UQCRC2: variants seen among roughly 807,000 people sequenced by gnomAD.
UQCRC2 encodes ubiquinol-cytochrome c reductase core protein 2.
UQCRC2 carries 49 observed loss-of-function variants against 55.6 expected under a neutral mutation model. The ratio of observed to expected loss-of-function variants is 0.88; its 90% CI spans 0.70 to 1.12. The LOEUF (loss-of-function observed/expected upper bound fraction) is 1.12, where lower values mean the gene tolerates loss of function less well. Ranked by LOEUF, UQCRC2 falls within the 50% of genes most tolerant of loss-of-function variation. The pLI is 0.00. For missense variants in UQCRC2, 506 were observed against 547.8 expected, an observed-to-expected ratio of 0.92 and a Z score of 0.76; for synonymous variants, 193 against 192.0, an observed-to-expected ratio of 1.01 and a Z score of -0.04.
chr16:21,954,851 C>T (rs2141924145), intron 1 of UQCRC2, among the ~76,000 whole-genome samples: 1 of 150,846 alleles, frequency 6.6e-6, no homozygotes, highest in East Asian at 1.9e-4. Flanking sequence ...CGAAACCAGT[C>T]TGGCCATCAT....
intron 13 of UQCRC2, 75 bp downstream of exon 13, chr16:21,980,775 A>T: frequency 6.5e-7 from 1 of 1,529,990 alleles, no homozygotes; most frequent in Non-Finnish European, 8.9e-7. Flanking sequence ...AGGATGCATA[A>T]GCGTCCTTGG....
intron 12 of UQCRC2, 40 bp from the exon 13 acceptor site, chr16:21,980,507 C>T (rs1898692955): frequency 1.3e-6 from 2 of 1,594,340 alleles, no homozygotes; most frequent in African/African-American, 1.4e-5. Flanking sequence ...AAAATAATTG[C>T]CTTGCTCTCT....
At chr16:21,982,994 T>G in intron 13 of UQCRC2, 94 bp from the exon 14 acceptor site, 12 of 870,380 alleles carry the variant, frequency 1.4e-5, no homozygotes, top group Non-Finnish European at 1.8e-5. Flanking sequence ...GAATGTCCTA[T>G]CCATAAATTC....
intron 10 of UQCRC2, among the ~76,000 whole-genome samples, chr16:21,972,688 A>T (rs1306881658): frequency 6.6e-6 from 1 of 152,112 alleles, no homozygotes; most frequent in Non-Finnish European, 1.5e-5. Context: ...CAGCCTGGCC[A>T]ACGTGGTGAA....
At chr16:21,973,505 A>G (rs1376827613) in intron 10 of UQCRC2, among the ~76,000 whole-genome samples, 1 of 152,162 alleles carries the variant, frequency 6.6e-6, no homozygotes, top group African/African-American at 2.4e-5. Flanking sequence ...AGAGAAATGA[A>G]AGTAAATTGG....
chr16:21,959,400 C>A, intron 4 of UQCRC2: 1 of 267,506 alleles, frequency 3.7e-6, no homozygotes, highest in South Asian at 3.9e-5. Context: ...GTTTGCTCAT[C>A]CATAAGAAGC....
chr16:21,983,118 T>G lies in UQCRC2; in HGVS notation c.1309T>G (p.Ser437Ala), dbSNP rs763047238. 6.2e-7 allele frequency: 1 copy of G among 1,614,174 alleles called. No homozygotes were observed. Among genetic ancestry groups the G allele is most frequent in the Admixed American group, 1.7e-5 (1 of 60,010 alleles). The change falls in exon 14 of 14, where the codon TCA (serine) becomes GCA (alanine). Residue 437 changes from serine (S) to alanine (A), a missense_variant. Ser to Ala is a moderately conservative substitution (Grantham distance 99). Transcript: ENST00000268379. The stretch of plus-strand genomic sequence containing the variant: ...AAAGAAGTTTGTTTCTGGCCAGAAG[T>G]CAATGGCAGCAAGTGGAAATTTGGG... ...AAKKFVSGQK[S>A]MAASGNLGHT...
chr16:21,977,388 C>A (rs892953208), intron 12 of UQCRC2, among the ~76,000 whole-genome samples: 4 of 151,952 alleles, frequency 2.6e-5, no homozygotes, highest in Non-Finnish European at 5.9e-5. Context: ...AGTCACAAAT[C>A]TAAAGAGATT....
chr16:21,956,704 AT>A (rs903608096), intron 1 of UQCRC2, among the ~76,000 whole-genome samples: 2 of 152,208 alleles, frequency 1.3e-5, no homozygotes, highest in African/African-American at 4.8e-5. Flanking sequence ...AACTCTATAA[AT>A]CACTAATAAA....
intron 4 of UQCRC2, among the ~76,000 whole-genome samples, chr16:21,961,770 G>T (rs899683960): frequency 3.3e-5 from 5 of 150,242 alleles, no homozygotes; most frequent in African/African-American, 9.8e-5. Context: ...TCCTGCCTCA[G>T]CCTCCGTGGT....
chr16:21,962,589 T>C, intron 5 of UQCRC2, 73 bp downstream of exon 5: 2 of 1,603,946 alleles, frequency 1.2e-6, no homozygotes, highest in Non-Finnish European at 8.5e-7. Flanking sequence ...GTCTTTGTAA[T>C]GCGTCATTAT....
intron 4 of UQCRC2, among the ~76,000 whole-genome samples, chr16:21,961,728 T>C (rs923496470): frequency 6.8e-6 from 1 of 147,182 alleles, no homozygotes; most frequent in African/African-American, 2.5e-5. Context: ...CTTGGCTCAC[T>C]GTAACCTCCG....
intron 1 of UQCRC2, among the ~76,000 whole-genome samples, chr16:21,954,577 A>G (rs899483107): frequency 2.7e-4 from 41 of 152,316 alleles, no homozygotes; most frequent in African/African-American, 8.2e-4. Flanking sequence ...ACAGTTGGAG[A>G]GGCCCAAAGT....
At chr16:21,965,958 A>C (rs1898315404) in intron 7 of UQCRC2, among the ~76,000 whole-genome samples, 1 of 152,132 alleles carries the variant, frequency 6.6e-6, no homozygotes, top group African/African-American at 2.4e-5. Context: ...TGCTGGGATT[A>C]CAGGCATGAG....
chr16:21,979,130 A>G (rs1362166708), intron 12 of UQCRC2, among the ~76,000 whole-genome samples: 1 of 152,154 alleles, frequency 6.6e-6, no homozygotes, highest in African/African-American at 2.4e-5. Flanking sequence ...CCTTTATAAC[A>G]CTGTGACCCC....
intron 13 of UQCRC2, 96 bp from the exon 14 acceptor site, chr16:21,982,992 T>A: frequency 3.0e-5 from 27 of 913,748 alleles, no homozygotes; most frequent in Middle Eastern, 2.5e-4. Context: ...AAGAATGTCC[T>A]ATCCATAAAT....
At chr16:21,961,316 G>A in intron 4 of UQCRC2, 1 of 448,084 alleles carries the variant, frequency 2.2e-6, no homozygotes, top group Non-Finnish European at 4.5e-6. Context: ...CGATCTAAGT[G>A]TCCATCTTTA....
intron 7 of UQCRC2, 53 bp from the exon 8 acceptor site, chr16:21,968,575 A>C: frequency 6.7e-7 from 1 of 1,487,142 alleles, no homozygotes; most frequent in East Asian, 2.4e-5. Flanking sequence ...ATGTTTTTAC[A>C]GCTTTTTATA....
chr16:21,963,217 G>C (rs1898246092), intron 6 of UQCRC2: 1 of 175,518 alleles, frequency 5.7e-6, no homozygotes, highest in African/African-American at 2.4e-5. Flanking sequence ...GTTCAGTCTT[G>C]AATTCCTGGC....
Sources: allele counts gnomAD v4.1 joint callset (sites outside exome capture counted in the v4.1 genomes callset), GRCh38; gene constraint gnomAD v4.1.1; transcripts MANE v1.5; gene names NCBI Gene and HGNC (gene_info 2026-07-23, HGNC 2026-07-21).